Variants in WDPCP observed in about 807,000 individuals in gnomAD.
WDPCP encodes the protein WD repeat-containing and planar cell polarity effector protein fritz homolog.
Under a neutral mutation model 93.1 loss-of-function variants are expected in WDPCP, and 71 were observed. The ratio of observed to expected loss-of-function variants is 0.76; its 90% CI spans 0.63 to 0.93. The LOEUF is 0.93. WDPCP is among the 40% of genes least tolerant of loss of function. The pLI is 0.00. For synonymous variants in WDPCP, 315 were observed against 315.0 expected, an observed-to-expected ratio of 1.00 and a Z score of 0.00; for missense variants, 844 against 887.4, an observed-to-expected ratio of 0.95 and a Z score of 0.62.
intron 2 of WDPCP, among the ~76,000 whole-genome samples, chr2:63,725,678 T>C (rs1432489798): frequency 2.0e-5 from 3 of 152,206 alleles, no homozygotes; most frequent in Non-Finnish European, 4.4e-5. Context: ...ATGTAGGTGT[T>C]AACTTTTCTC....
At chr2:63,567,415 A>C (rs1707159067) in intron 1 of WDPCP, among the ~76,000 whole-genome samples, 1 of 152,212 alleles carries the variant, frequency 6.6e-6, no homozygotes, top group Non-Finnish European at 1.5e-5. Context: ...ACAAAGACCA[A>C]GTATATATTT....
intron 14 of WDPCP, among the ~76,000 whole-genome samples, chr2:63,182,304 T>A (rs1674305532): frequency 6.6e-6 from 1 of 152,076 alleles, no homozygotes; most frequent in African/African-American, 2.4e-5. Flanking sequence ...GCTTTTATTA[T>A]TTTGCAGTAT....
chr2:63,355,517 G>C (rs1273457939), intron 12 of WDPCP, among the ~76,000 whole-genome samples: 2 of 152,268 alleles, frequency 1.3e-5, no homozygotes, highest in African/African-American at 4.8e-5. Flanking sequence ...ACACAGGGCA[G>C]TGTCACTATC....
chr2:63,274,924 A>G (rs1165497586), intron 13 of WDPCP, among the ~76,000 whole-genome samples: 3 of 152,222 alleles, frequency 2.0e-5, no homozygotes, highest in Admixed American at 2.0e-4. Flanking sequence ...TGAAGAGCAA[A>G]AATTCTCCTA....
chr2:63,802,828 T>C (rs1670716044), intron 2 of WDPCP, among the ~76,000 whole-genome samples: 1 of 152,208 alleles, frequency 6.6e-6, no homozygotes, highest in Admixed American at 6.5e-5. Flanking sequence ...TAGATTTCTT[T>C]AGGACATTTT....
chr2:63,815,958 A>G (rs1430197422), intron 1 of WDPCP, among the ~76,000 whole-genome samples: 1 of 151,892 alleles, frequency 6.6e-6, no homozygotes, highest in African/African-American at 2.4e-5. Flanking sequence ...GCACTGCCTC[A>G]TGGAACTTGT....
rs181097015 is a variant in WDPCP, at chr2:63,352,350, C to A, written c.1748+26036G>T. 2.8e-4 allele frequency among the ~76,000 whole-genome samples: 43 copies of A among 152,176 alleles called. No individual in the cohort carries two copies. In the East Asian group the frequency reaches 7.9e-3, roughly 28 times the overall value. ...AAAAGTGTTAAGTTTCAATACTTTC[C>A]TATACTTCATATTCTTATCTAAAAG... On this transcript the variant is annotated intron_variant, in intron 12 of 17. Coordinates refer to ENST00000272321, the MANE Select transcript of WDPCP (RefSeq NM_015910.7).
chr2:63,254,857 G>T (rs567005569), intron 14 of WDPCP, among the ~76,000 whole-genome samples: 83 of 152,234 alleles, frequency 5.5e-4, no homozygotes, highest in African/African-American at 1.9e-3. Flanking sequence ...CCATGAGTCT[G>T]TAAGTCTGAT....
intron 1 of WDPCP, among the ~76,000 whole-genome samples, chr2:63,521,100 C>A (rs965559708): frequency 6.6e-6 from 1 of 152,140 alleles, no homozygotes; most frequent in African/African-American, 2.4e-5. Flanking sequence ...CCAGCCACTA[C>A]AAAACCACAT....
intron 14 of WDPCP, among the ~76,000 whole-genome samples, chr2:63,209,834 G>A (rs1676629357): frequency 1.3e-5 from 2 of 152,236 alleles, no homozygotes; most frequent in South Asian, 4.1e-4. Context: ...AAGAGAAGGG[G>A]TCAGTCAACG....
intron 1 of WDPCP, among the ~76,000 whole-genome samples, chr2:63,579,744 G>A (rs570694258): frequency 1.1e-4 from 16 of 143,402 alleles, no homozygotes; most frequent in African/African-American, 3.7e-4. Flanking sequence ...TAGATAGGTA[G>A]GTAGGCAGGT....
intron 13 of WDPCP, among the ~76,000 whole-genome samples, chr2:63,272,662 T>C (rs545881357): frequency 1.3e-5 from 2 of 152,266 alleles, no homozygotes; most frequent in African/African-American, 4.8e-5. Flanking sequence ...AACTGAAGAA[T>C]TCAATGAATG....
chr2:63,751,326 T>C (rs965001849), intron 2 of WDPCP, among the ~76,000 whole-genome samples: 2 of 152,170 alleles, frequency 1.3e-5, no homozygotes, highest in African/African-American at 2.4e-5. Flanking sequence ...CTGATACTGG[T>C]GATTTATGTT....
At chr2:63,400,232 A>ATT (rs1694042470) in intron 10 of WDPCP, among the ~76,000 whole-genome samples, 1 of 152,224 alleles carries the variant, frequency 6.6e-6, no homozygotes, top group South Asian at 2.1e-4. Context: ...AGGCAAGTGA[A>ATT]TCATCATAAT....
At chr2:63,380,360 T>C (rs1692196762) in intron 11 of WDPCP, among the ~76,000 whole-genome samples, 1 of 152,150 alleles carries the variant, frequency 6.6e-6, no homozygotes, top group Non-Finnish European at 1.5e-5. Flanking sequence ...TATGGAGTTA[T>C]ACTCTTCTTT....
chr2:63,192,294 A>G (rs1029960965), intron 14 of WDPCP, among the ~76,000 whole-genome samples: 2 of 152,194 alleles, frequency 1.3e-5, no homozygotes, highest in Admixed American at 6.5e-5. Flanking sequence ...TTGTTCAACA[A>G]AAGTGCTAAA....
intron 9 of WDPCP, 86 bp from the exon 10 acceptor site, chr2:63,404,743 C>T: frequency 6.5e-7 from 1 of 1,542,416 alleles, no homozygotes. Flanking sequence ...ATTCAGAAAC[C>T]TATTAAAGAA....
chr2:63,437,776 T>C, intron 7 of WDPCP: 8 of 1,384,720 alleles, frequency 5.8e-6, no homozygotes, highest in Non-Finnish European at 7.9e-6. Context: ...ACTATTTCAA[T>C]ATACACTGAT....
At chr2:63,661,454 C>G (rs1249429391) in intron 2 of WDPCP, among the ~76,000 whole-genome samples, 1 of 152,180 alleles carries the variant, frequency 6.6e-6, no homozygotes, top group Non-Finnish European at 1.5e-5. Context: ...ATCTATTTTT[C>G]ATGACAATGT....
Sources: gnomAD v4.1 joint callset for allele counts (sites outside exome capture counted in the v4.1 genomes callset) on GRCh38, gnomAD v4.1.1 for gene constraint, MANE v1.5 for transcripts, NCBI Gene and HGNC (gene_info 2026-07-23, HGNC 2026-07-21) for gene names.